NWD2: variants seen among roughly 807,000 people sequenced by gnomAD.
NWD2 encodes the protein NACHT and WD repeat domain-containing protein 2.
A neutral mutation model predicts 132.7 loss-of-function variants in NWD2; 37 were observed. That is an observed-to-expected ratio of 0.28 (90% CI 0.21 to 0.37). The LOEUF is 0.37. NWD2 is among the 10% of genes least tolerant of loss of function. The pLI is 1.00. For synonymous variants in NWD2, 705 were observed against 803.0 expected, an observed-to-expected ratio of 0.88 and a Z score of 2.06; for missense variants, 1,592 against 2,122.4, an observed-to-expected ratio of 0.75 and a Z score of 4.91.
intron 1 of NWD2, among the ~76,000 whole-genome samples, chr4:37,247,036 A>G (rs1717257201): frequency 1.3e-5 from 2 of 152,252 alleles, no homozygotes. Flanking sequence ...ACCCTAGGAA[A>G]GCAAACAGGA....
At position 37,376,291 on chromosome 4, in the gene NWD2, G is replaced by A. The variant is rs528019179; in HGVS notation, c.357+19809G>A. ...AGCAACATTATCAGCTCTGAATAGT[G>A]TCACTACTTAAAACACTTGTAAATT... On this transcript the variant is annotated intron_variant, in intron 3 of 6. Transcript: ENST00000309447. Among the ~76,000 whole-genome samples, 67 of 152,320 alleles carry A rather than the reference G, an allele frequency of 4.4e-4. No homozygotes were observed. In the South Asian group the frequency reaches 0.012, roughly 27 times the overall value.
intron 3 of NWD2, among the ~76,000 whole-genome samples, chr4:37,395,683 C>A (rs1420871014): frequency 6.6e-6 from 1 of 151,028 alleles, no homozygotes; most frequent in South Asian, 2.1e-4. Flanking sequence ...CAGATCAGCC[C>A]TCTTTGTTCT....
chr4:37,395,880 T>C (rs1340388119), intron 3 of NWD2, among the ~76,000 whole-genome samples: 1 of 151,924 alleles, frequency 6.6e-6, no homozygotes, highest in Admixed American at 6.5e-5. Flanking sequence ...AAACTGGGTG[T>C]GGGACTGACA....
chr4:37,271,559 A>G (rs1364383201), intron 1 of NWD2, among the ~76,000 whole-genome samples: 1 of 151,818 alleles, frequency 6.6e-6, no homozygotes, highest in Non-Finnish European at 1.5e-5. Context: ...TGATTTTCCT[A>G]AATTCACTTA....
rs1158671093 is a variant in NWD2, at chr4:37,448,568, C to G, written c.*1351C>G. 1.3e-5 allele frequency: 2 copies of G among 152,154 alleles called. No individual in the cohort carries two copies. The highest frequency in any genetic ancestry group is 4.8e-5 in the African/African-American group (2 of 41,432). The allele number at this position is 152,154 out of a possible 1,614,324, so 9.4% of individuals were successfully genotyped here. ...TTCCATATCCTCCTTACGGCATGTC[C>G]TTGGATAACTTTTCAAAAGGTATCC... On this transcript the variant is annotated 3_prime_UTR_variant, in exon 7 of 7. Transcript: ENST00000309447.
At chr4:37,381,839 A>G (rs6832738) in intron 3 of NWD2, among the ~76,000 whole-genome samples, 42,160 of 152,118 alleles carry the variant, frequency 0.28, 6,456 homozygotes, top group East Asian at 0.5. Context: ...TTAAAAATCA[A>G]TGTTCCAAAG....
At chr4:37,297,040 A>C (rs1282069371) in intron 1 of NWD2, among the ~76,000 whole-genome samples, 1 of 151,834 alleles carries the variant, frequency 6.6e-6, no homozygotes, top group Non-Finnish European at 1.5e-5. Flanking sequence ...ATTCCTGTAC[A>C]CTCTTAACCC....
At chr4:37,366,072 T>C (rs1185546933) in intron 3 of NWD2, among the ~76,000 whole-genome samples, 1 of 152,200 alleles carries the variant, frequency 6.6e-6, no homozygotes, top group Non-Finnish European at 1.5e-5. Flanking sequence ...AGTCATTTCT[T>C]GGTAAGCTGG....
intron 1 of NWD2, among the ~76,000 whole-genome samples, chr4:37,320,028 T>A (rs767469970): frequency 3.9e-5 from 6 of 152,198 alleles, no homozygotes; most frequent in Non-Finnish European, 8.8e-5. Flanking sequence ...ATTGGTAGTT[T>A]GATAGGAATA....
chr4:37,443,278 G>A lies in NWD2; in HGVS notation c.1297-7G>A. 6.5e-7 allele frequency: 1 copy of A among 1,545,478 alleles called. No homozygotes were observed. Among genetic ancestry groups the A allele is most frequent in the Non-Finnish European group, 8.8e-7 (1 of 1,142,252 alleles). On this transcript the variant is annotated splice_polypyrimidine_tract_variant and splice_region_variant and intron_variant, in intron 6 of 6. Coordinates refer to ENST00000309447, the MANE Select transcript of NWD2 (RefSeq NM_001144990.2). This position sits in a 1 kb window ranked among gnomAD's most constrained non-coding sequence, Gnocchi z 4.1. ...TTACCATTCTAAACTCCACTTTTGTGTTTCAGGCTTATGGCTGGCTACATG... is the reference window on the plus strand; with the variant it reads ...TTACCATTCTAAACTCCACTTTTGTATTTCAGGCTTATGGCTGGCTACATG...
chr4:37,315,528 T>C (rs1013364780), intron 1 of NWD2, among the ~76,000 whole-genome samples: 2 of 152,128 alleles, frequency 1.3e-5, no homozygotes, highest in Non-Finnish European at 2.9e-5. Context: ...TTGTCTGATC[T>C]GATTTTGGTT....
intron 1 of NWD2, among the ~76,000 whole-genome samples, chr4:37,285,613 T>C (rs1475488521): frequency 6.6e-6 from 1 of 152,192 alleles, no homozygotes; most frequent in Non-Finnish European, 1.5e-5. Context: ...TAACATTTAA[T>C]TAATTTCTTT....
At chr4:37,346,900 A>G (rs763173937) in intron 2 of NWD2, among the ~76,000 whole-genome samples, 25 of 152,034 alleles carry the variant, frequency 1.6e-4, no homozygotes, top group Non-Finnish European at 3.2e-4. Flanking sequence ...GTTTTTGTAT[A>G]TTGATCTTGC....
intron 5 of NWD2, among the ~76,000 whole-genome samples, chr4:37,437,481 CACAA>C (rs1332296865): frequency 6.6e-6 from 1 of 152,180 alleles, no homozygotes; most frequent in African/African-American, 2.4e-5. Context: ...TTCTGGGAGA[CACAA>C]ACATTCAGTT....
At chr4:37,281,952 A>C (rs1194845984) in intron 1 of NWD2, among the ~76,000 whole-genome samples, 2 of 152,198 alleles carry the variant, frequency 1.3e-5, no homozygotes, top group East Asian at 3.9e-4. Context: ...TAAAGCCTTC[A>C]TGATATTTAT....
intron 3 of NWD2, among the ~76,000 whole-genome samples, chr4:37,404,225 T>C (rs1720951319): frequency 6.6e-6 from 1 of 152,220 alleles, no homozygotes; most frequent in African/African-American, 2.4e-5. Flanking sequence ...GGAATAACAG[T>C]ATCTAACTTA....
intron 3 of NWD2, among the ~76,000 whole-genome samples, chr4:37,377,469 C>A (rs1397611285): frequency 6.6e-6 from 1 of 152,172 alleles, no homozygotes; most frequent in Non-Finnish European, 1.5e-5. Flanking sequence ...TGGTGGCTCA[C>A]ACCTGTAATC....
intron 1 of NWD2, among the ~76,000 whole-genome samples, chr4:37,287,415 G>A (rs975936791): frequency 1.2e-4 from 18 of 152,194 alleles, no homozygotes; most frequent in Admixed American, 1.0e-3. Context: ...GGGAAGGGTG[G>A]CATCCATCTC....
chr4:37,430,785 C>G lies in NWD2; in HGVS notation c.561+10C>G. On this transcript the variant is annotated intron_variant, in intron 4 of 6. Coordinates refer to ENST00000309447, the MANE Select transcript of NWD2 (RefSeq NM_001144990.2). Reference sequence around the variant, plus strand: ...AAGCAATAGAAATGCAGTAAGCTGCCTTTCCCTCAAGCCTATGGATCTGTC... The same window carrying G: ...AAGCAATAGAAATGCAGTAAGCTGCGTTTCCCTCAAGCCTATGGATCTGTC... 1 of 1,545,974 alleles carries G rather than the reference C, an allele frequency of 6.5e-7. No homozygotes were observed. Among genetic ancestry groups the G allele is most frequent in the Non-Finnish European group, 8.8e-7 (1 of 1,141,862 alleles).
Sources: allele counts gnomAD v4.1 joint callset (sites outside exome capture counted in the v4.1 genomes callset), GRCh38; gene constraint gnomAD v4.1.1; non-coding constraint Gnocchi (gnomAD v3.1); transcripts MANE v1.5; gene names NCBI Gene and HGNC (gene_info 2026-07-23, HGNC 2026-07-21).